The following UNC80 variants were observed in gnomAD, a reference collection of about 807,000 sequenced individuals.
UNC80 encodes unc-80 subunit of NALCN channel complex.
In UNC80, 164 loss-of-function variants were observed where a neutral mutation model predicts 384.6. The ratio of observed to expected loss-of-function variants is 0.43; its 90% CI spans 0.38 to 0.49. The LOEUF (loss-of-function observed/expected upper bound fraction) is 0.49. Ranked by LOEUF, UNC80 falls within the 20% of genes least tolerant of loss-of-function variation. The pLI is 0.00. For missense variants in UNC80, 3,330 were observed against 4,143.0 expected (o/e 0.80, Z 5.39); for synonymous variants, 1,486 against 1,527.8 (o/e 0.97, Z 0.64).
chr2:209,970,090 A>T, intron 53 of UNC80, 199 bp downstream of exon 53: 2 of 638,742 alleles, frequency 3.1e-6, no homozygotes, highest in Non-Finnish European at 2.6e-6. Flanking sequence ...CCCTACACAG[A>T]AGGGATTTTG....
chr2:209,893,923 T>C (rs2086579379), intron 26 of UNC80, among the ~76,000 whole-genome samples: 1 of 152,178 alleles, frequency 6.6e-6, no homozygotes, highest in African/African-American at 2.4e-5. Context: ...TAGTGAAACC[T>C]GGGCCAGAAA....
Position 209,917,222 on chromosome 2 carries a change from C to T in UNC80, c.5030-555C>T, listed in dbSNP as rs146578850. On this transcript the variant is annotated intron_variant, in intron 31 of 64. Coordinates refer to ENST00000673920, the MANE Select transcript of UNC80 (RefSeq NM_001371986.1). ...ATTATTCATTAGCTTTATAACCTAT[C>T]ATGGAACCTGGCCTTTCACTTACTG... is the stretch of plus-strand genomic sequence containing the variant. 5.4e-3 allele frequency among the ~76,000 whole-genome samples: 822 copies of T among 152,300 alleles called. 9 individuals are homozygous for T. Among genetic ancestry groups the T allele is most frequent in the African/African-American group, 0.019 (771 of 41,548 alleles).
chr2:209,889,442 C>T (rs1011680018), intron 26 of UNC80, among the ~76,000 whole-genome samples: 2 of 152,204 alleles, frequency 1.3e-5, no homozygotes, highest in African/African-American at 4.8e-5. Flanking sequence ...CACATACACA[C>T]CTTGGCCTAA....
rs762780869 is a variant in UNC80, at chr2:209,829,221, C to G, written c.2479-11C>G. ...ACTTGTGACTTTTTCACTTTTCTTC[C>G]TTCATTGCAGGCCCAGAACTGCCTC... On this transcript the variant is annotated splice_polypyrimidine_tract_variant and intron_variant, in intron 14 of 64. Transcript: ENST00000673920. 8.4e-6 allele frequency: 13 copies of G among 1,550,670 alleles called. No individual in the cohort carries two copies. Among genetic ancestry groups the G allele is most frequent in the Non-Finnish European group, 1.1e-5 (13 of 1,146,316 alleles).
chr2:209,843,436 T>G (rs547297332), intron 21 of UNC80, among the ~76,000 whole-genome samples: 7 of 152,300 alleles, frequency 4.6e-5, no homozygotes, highest in African/African-American at 1.4e-4. Context: ...TGATGAAAAT[T>G]TATTATTTCA....
intron 24 of UNC80, among the ~76,000 whole-genome samples, chr2:209,879,817 G>A (rs2085120170): frequency 6.6e-6 from 1 of 152,098 alleles, no homozygotes; most frequent in Non-Finnish European, 1.5e-5. Flanking sequence ...TTCTTGATGA[G>A]AGGCAAAGTC....
chr2:209,926,506 G>A (rs774340359), intron 35 of UNC80, among the ~76,000 whole-genome samples: 2 of 152,236 alleles, frequency 1.3e-5, no homozygotes, highest in Non-Finnish European at 2.9e-5. Context: ...GCCAGATGCA[G>A]TGGCTTATGC....
In UNC80 at chr2:209,939,588, C is replaced by T. The variant is rs1227373860; in HGVS notation, c.6582C>T (p.Leu2194=). The T allele has an allele frequency of 6.4e-7, 1 of 1,551,924 alleles. No individual in the cohort carries two copies. The change falls in exon 43 of 65, where the codon CTC becomes CTT. Residue 2194 remains leucine, a synonymous_variant. Coordinates refer to ENST00000673920, the MANE Select transcript of UNC80 (RefSeq NM_001371986.1). ...TCTCCATGCTTCAGGAAGACCTCCT[C>T]CGCCTGCCCTCATTCCCTCGTAGTG... is the stretch of plus-strand genomic sequence containing the variant. The part of the protein sequence containing the change: ...SHVSMLQEDL[L]RLPSFPRSAI...
chr2:209,890,371 C>T (rs1411500846), intron 26 of UNC80, among the ~76,000 whole-genome samples: 2 of 152,194 alleles, frequency 1.3e-5, no homozygotes, highest in Non-Finnish European at 2.9e-5. Flanking sequence ...TTGCTAAACA[C>T]ATCTGACTTA....
intron 26 of UNC80, among the ~76,000 whole-genome samples, chr2:209,891,196 A>G (rs1459561005): frequency 3.9e-5 from 6 of 152,192 alleles, no homozygotes; most frequent in African/African-American, 1.2e-4. Flanking sequence ...GAATAGTTCA[A>G]GATCAAAACG....
At chr2:209,903,845 A>G (rs990898214) in intron 28 of UNC80, among the ~76,000 whole-genome samples, 2 of 151,508 alleles carry the variant, frequency 1.3e-5, no homozygotes, top group Non-Finnish European at 2.9e-5. Flanking sequence ...GCTGCAATCA[A>G]CATATTGGCC....
chr2:209,783,612 C>T (rs554134217), intron 4 of UNC80, among the ~76,000 whole-genome samples: 1 of 152,150 alleles, frequency 6.6e-6, no homozygotes, highest in African/African-American at 2.4e-5. Flanking sequence ...TTTAGTAAAA[C>T]AAAATGATGA....
At chr2:209,921,438 T>G in intron 33 of UNC80, 62 bp from the exon 34 acceptor site, 1 of 1,461,928 alleles carries the variant, frequency 6.8e-7, no homozygotes, top group Non-Finnish European at 9.2e-7. Flanking sequence ...TGGAACACTC[T>G]TTATGCCTGT....
At chr2:209,781,522 A>G (rs967359467) in intron 4 of UNC80, among the ~76,000 whole-genome samples, 1 of 152,154 alleles carries the variant, frequency 6.6e-6, no homozygotes. Context: ...ATTTAAAACT[A>G]TCATCATGCC....
chr2:209,829,324 T>C lies in UNC80; in HGVS notation c.2571T>C (p.Asn857=), dbSNP rs1043222623. 30 of 1,551,248 alleles carry C rather than the reference T, an allele frequency of 1.9e-5. No individual in the cohort carries two copies. In the Admixed American group the frequency reaches 3.7e-4, roughly 19 times the overall value. Reference sequence around the variant, plus strand: ...ATGTGAACAAGGACTCTCTCAATAATGTAGTGGACTTCTTGCATGCTTTGC... The same window carrying C: ...ATGTGAACAAGGACTCTCTCAATAACGTAGTGGACTTCTTGCATGCTTTGC... ...RDYVNKDSLN[N]VVDFLHALLG... is the part of the protein sequence containing the mutation. The change falls in exon 15 of 65, where the codon AAT becomes AAC. Residue 857 remains asparagine (N), a synonymous_variant. Coordinates refer to ENST00000673920, the MANE Select transcript of UNC80 (RefSeq NM_001371986.1).
rs373291979 is a variant in UNC80 at position 209,817,010 on chromosome 2, C to T, written c.1437C>T (p.His479=). The T allele has an allele frequency of 1.3e-5, 20 of 1,551,596 alleles. 1 individual carries two copies. The highest frequency in any genetic ancestry group is 6.8e-5 in the African/African-American group (5 of 73,026). ...PRRMGVPFLL[H]EDHLDVSPTR... ...GAATGGGAGTGCCCTTCCTGCTTCA[C>T]GAGGACCACCTGGATGTGTCCCCCA... The change falls in exon 10 of 65, where the codon CAC becomes CAT. Residue 479 remains histidine, a synonymous_variant. Transcript: ENST00000673920.
Position 209,967,644 on chromosome 2 carries a change from A to C in UNC80, c.8006+7A>C, listed in dbSNP as rs1454300627. 6.4e-7 allele frequency: 1 copy of C among 1,551,002 alleles called. No homozygotes were observed. The highest frequency in any genetic ancestry group is 8.7e-7 in the Non-Finnish European group (1 of 1,146,480). ...ATAAGATGCCTACTTTGAGGTGAGAATGCCTCCGAGTTAGCTGTTGCTATC... is the reference window on the plus strand; with the variant it reads ...ATAAGATGCCTACTTTGAGGTGAGACTGCCTCCGAGTTAGCTGTTGCTATC... On this transcript the variant is annotated splice_region_variant and intron_variant, in intron 52 of 64. Coordinates refer to ENST00000673920, the MANE Select transcript of UNC80 (RefSeq NM_001371986.1).
At chr2:209,938,568 C>A (rs894901450) in intron 42 of UNC80, among the ~76,000 whole-genome samples, 1 of 152,024 alleles carries the variant, frequency 6.6e-6, no homozygotes, top group Admixed American at 6.6e-5. Flanking sequence ...ACTATTAGAT[C>A]TTAAATATAA....
rs141896705 is a variant in UNC80 at position 209,953,069 on chromosome 2, AC to A, written c.7287-1030del. On this transcript the variant is annotated intron_variant, in intron 47 of 64. Coordinates refer to ENST00000673920, the MANE Select transcript of UNC80 (RefSeq NM_001371986.1). ...AGATTCTTTGGGATATCAACTCATC[AC>A]TGCTGTTTTCTAGAACCCACAATCT... 3.2e-3 allele frequency among the ~76,000 whole-genome samples: 488 copies of A among 152,242 alleles called. 4 individuals carry two copies. The highest frequency in any genetic ancestry group is 5.2e-3 in the Non-Finnish European group (351 of 68,016).
Sources: allele counts gnomAD v4.1 joint callset (sites outside exome capture counted in the v4.1 genomes callset), GRCh38; gene constraint gnomAD v4.1.1; transcripts MANE v1.5; gene names NCBI Gene and HGNC (gene_info 2026-07-23, HGNC 2026-07-21).